Variants in CTNNA3 observed in about 807,000 individuals in gnomAD.
CTNNA3 encodes catenin alpha 3.
Under a neutral mutation model 95.7 loss-of-function variants are expected in CTNNA3, and 76 were observed. The observed-to-expected ratio is 0.79, with a 90% CI of 0.66 to 0.96. CTNNA3 has a LOEUF of 0.96. Among genes scored for constraint, CTNNA3 ranks in the 40% least tolerant of loss-of-function variants. The probability of loss-of-function intolerance (pLI) is 0.00; values close to 1 mark genes in which losing one functional copy is unlikely to be tolerated. For synonymous variants in CTNNA3, 431 were observed against 374.4 expected, an observed-to-expected ratio of 1.15 and a Z score of -1.74; for missense variants, 1,191 against 1,089.8, an observed-to-expected ratio of 1.09 and a Z score of -1.31.
intron 7 of CTNNA3, among the ~76,000 whole-genome samples, chr10:66,910,784 T>G (rs1047058409): frequency 6.6e-6 from 1 of 152,182 alleles, no homozygotes; most frequent in African/African-American, 2.4e-5. Flanking sequence ...CCGCTCTTCT[T>G]GAAAACCAAT....
chr10:67,458,699 C>A (rs1465678960), intron 5 of CTNNA3, among the ~76,000 whole-genome samples: 2 of 152,040 alleles, frequency 1.3e-5, no homozygotes, highest in Non-Finnish European at 2.9e-5. Flanking sequence ...GCCAACATGA[C>A]AAAACCCCAT....
intron 11 of CTNNA3, among the ~76,000 whole-genome samples, chr10:66,458,384 A>G (rs561432446): frequency 3.5e-4 from 53 of 152,194 alleles, no homozygotes; most frequent in Non-Finnish European, 6.5e-4. Context: ...ACTTTTAAAA[A>G]GTGTTAAACT....
At chr10:66,037,739 T>A (rs763314730) in intron 15 of CTNNA3, among the ~76,000 whole-genome samples, 6 of 152,190 alleles carry the variant, frequency 3.9e-5, no homozygotes, top group Non-Finnish European at 5.9e-5. Context: ...TCATTTGAAA[T>A]GAAAATAAAT....
At chr10:65,954,462 G>A (rs900480080) in intron 17 of CTNNA3, among the ~76,000 whole-genome samples, 17 of 152,048 alleles carry the variant, frequency 1.1e-4, no homozygotes, top group East Asian at 3.9e-4. Context: ...GTCCTTGCCC[G>A]TGCCTATGTC....
intron 7 of CTNNA3, among the ~76,000 whole-genome samples, chr10:66,874,825 G>A (rs1916370): frequency 0.32 from 48,173 of 152,032 alleles, 9,103 homozygotes; most frequent in South Asian, 0.5. Flanking sequence ...GTGTTTATTC[G>A]TTCATTTATG....
chr10:65,944,571 C>T lies in CTNNA3; in HGVS notation c.2400+22041G>A, dbSNP rs16922225. Among the ~76,000 whole-genome samples the T allele has an allele frequency of 0.012, 1,866 of 152,228 alleles. 81 individuals carry two copies. The East Asian group carries it at 0.15, about 12-fold the overall frequency. ...AGGCAAAGTGGAGGAGTTTTGTAGC[C>T]GCATCCCGTGTACATTGTGCAGGGA... On this transcript the variant is annotated intron_variant, in intron 17 of 17. Transcript: ENST00000433211.
At chr10:67,176,446 C>T (rs564565186) in intron 7 of CTNNA3, among the ~76,000 whole-genome samples, 8 of 152,256 alleles carry the variant, frequency 5.3e-5, no homozygotes, top group Admixed American at 1.3e-4. Context: ...ACAAAACAGA[C>T]ATGTGATCTG....
chr10:65,948,768 T>C (rs1485883343), intron 17 of CTNNA3, among the ~76,000 whole-genome samples: 1 of 152,224 alleles, frequency 6.6e-6, no homozygotes, highest in Admixed American at 6.5e-5. Context: ...CATGTTACCA[T>C]TTGTTATTCA....
At chr10:66,576,261 C>T (rs1842999553) in intron 10 of CTNNA3, among the ~76,000 whole-genome samples, 1 of 152,110 alleles carries the variant, frequency 6.6e-6, no homozygotes, top group South Asian at 2.1e-4. Context: ...TCAATTAAGT[C>T]TGGGGTGGTG....
chr10:66,253,746 C>A (rs2090650982), intron 13 of CTNNA3, among the ~76,000 whole-genome samples: 1 of 151,920 alleles, frequency 6.6e-6, no homozygotes, highest in Non-Finnish European at 1.5e-5. Flanking sequence ...GTTTCTTTTG[C>A]TTTTTGGATG....
intron 5 of CTNNA3, among the ~76,000 whole-genome samples, chr10:67,221,634 G>A (rs1264467293): frequency 6.6e-6 from 1 of 151,982 alleles, no homozygotes; most frequent in Non-Finnish European, 1.5e-5. Context: ...GAGTACAGTG[G>A]CGCGATCTAG....
At chr10:67,643,452 A>G (rs2133470901) in intron 2 of CTNNA3, among the ~76,000 whole-genome samples, 1 of 152,258 alleles carries the variant, frequency 6.6e-6, no homozygotes, top group East Asian at 1.9e-4. Flanking sequence ...CATCCTGCAC[A>G]TGTACTCCTG....
intron 13 of CTNNA3, among the ~76,000 whole-genome samples, chr10:66,164,550 C>T (rs2085025410): frequency 6.6e-6 from 1 of 151,838 alleles, no homozygotes; most frequent in South Asian, 2.1e-4. Context: ...TCCCTCTTCC[C>T]CTCAGACACA....
chr10:67,018,564 T>C (rs1041786508), intron 7 of CTNNA3, among the ~76,000 whole-genome samples: 5 of 152,206 alleles, frequency 3.3e-5, no homozygotes, highest in African/African-American at 7.2e-5. Context: ...AGAGCAGTAA[T>C]AGACAGACCT....
intron 5 of CTNNA3, among the ~76,000 whole-genome samples, chr10:67,324,235 T>C (rs1462454967): frequency 6.6e-6 from 1 of 152,182 alleles, no homozygotes; most frequent in Admixed American, 6.5e-5. Flanking sequence ...TCTTGCCTGA[T>C]TGCCCTGGCC....
rs59003281 is a variant in CTNNA3, at chr10:66,328,933, T to TATATATATATATATATATACAC, written c.1733-48313_1733-48312insGTGTATATATATATATATATAT. 4.4e-3 allele frequency among the ~76,000 whole-genome samples: 504 copies of TATATATATATATATATATACAC among 115,136 alleles called. 3 individuals carry two copies. Among genetic ancestry groups the TATATATATATATATATATACAC allele is most frequent in the African/African-American group, 0.013 (409 of 32,538 alleles). The allele number at this position is 115,136 out of a possible 152,430, so 75.5% of individuals were successfully genotyped here. On this transcript the variant is annotated intron_variant, in intron 12 of 17. Transcript: ENST00000433211. ...ATACATATATATATATATATATATATACACACACACATATAAATATAATTT... is the reference window on the plus strand; with the variant it reads ...ATACATATATATATATATATATATATATATATATATATATATATACACACACACACACATATAAATATAATTT...
intron 7 of CTNNA3, among the ~76,000 whole-genome samples, chr10:67,104,051 T>C (rs1858489425): frequency 6.6e-6 from 1 of 151,682 alleles, no homozygotes; most frequent in East Asian, 1.9e-4. Context: ...CTTTTATAAA[T>C]TTACAGCCAA....
chr10:66,834,448 A>G (rs1842825275), intron 7 of CTNNA3, among the ~76,000 whole-genome samples: 1 of 152,248 alleles, frequency 6.6e-6, no homozygotes, highest in Admixed American at 6.5e-5. Context: ...CAATAGTTAT[A>G]TGAAATAAAC....
At chr10:67,131,135 C>T (rs1431361864) in intron 7 of CTNNA3, among the ~76,000 whole-genome samples, 1 of 152,058 alleles carries the variant, frequency 6.6e-6, no homozygotes, top group African/African-American at 2.4e-5. Context: ...ACTCAGAATA[C>T]ACTATGCTCT....
Sources: allele counts gnomAD v4.1 joint callset (sites outside exome capture counted in the v4.1 genomes callset), GRCh38; gene constraint gnomAD v4.1.1; transcripts MANE v1.5; gene names NCBI Gene and HGNC (gene_info 2026-07-23, HGNC 2026-07-21).